PA2G4: variants seen among roughly 807,000 people sequenced by gnomAD.
PA2G4 encodes the protein proliferation-associated 2G4, also known as proliferation-associated protein 2G4.
Under a neutral mutation model 53.3 loss-of-function variants are expected in PA2G4, and 8 were observed. The ratio of observed to expected loss-of-function variants is 0.15; its 90% confidence interval spans 0.09 to 0.27. The LOEUF is 0.27. PA2G4 is among the 10% of genes least tolerant of loss of function. The pLI is 1.00. For synonymous variants in PA2G4, 143 were observed against 169.8 expected, an observed-to-expected ratio of 0.84 and a Z score of 1.23; for missense variants, 208 against 486.8, an observed-to-expected ratio of 0.43 and a Z score of 5.39.
chr12:56,109,383 G>T, intron 6 of PA2G4, 90 bp downstream of exon 6: 1 of 889,472 alleles, frequency 1.1e-6, no homozygotes, highest in Non-Finnish European at 1.9e-6. Flanking sequence ...ACTTTGGGAG[G>T]CTGAGGTGGG....
chr12:56,113,652 CCT>C lies in PA2G4; in HGVS notation c.*765_*766del, dbSNP rs1276778032. The stretch of plus-strand genomic sequence containing the variant: ...GCTGGAAGCTCAACTGGTTTTGTTC[CCT>C]GTTTGAAATATTGTGATCTCCCTCC... On this transcript the variant is annotated 3_prime_UTR_variant, in exon 13 of 13. Coordinates refer to ENST00000303305, the MANE Select transcript of PA2G4 (RefSeq NM_006191.3). 6.8e-6 allele frequency: 4 copies of C among 590,006 alleles called. No homozygotes were observed. The highest frequency in any genetic ancestry group is 2.8e-5 in the East Asian group (1 of 35,804). The allele number at this position is 590,006 out of a possible 1,614,324, so 36.5% of individuals were successfully genotyped here.
intron 1 of PA2G4, chr12:56,105,146 T>G: frequency 5.2e-6 from 3 of 575,120 alleles, no homozygotes; most frequent in Non-Finnish European, 6.6e-6. Context: ...CGATTATTGC[T>G]TCCTCTGATT....
Position 56,113,648 on chromosome 12 carries a change from G to A in PA2G4, c.*760G>A. 1.7e-6 allele frequency: 1 copy of A among 590,356 alleles called. No individual in the cohort carries two copies. Among genetic ancestry groups the A allele is most frequent in the South Asian group, 2.1e-5 (1 of 47,248 alleles). 36.6% of individuals were successfully genotyped at this position (590,356 alleles called of 1,614,324 possible). A position where few individuals can be genotyped will look rare whatever the true frequency, so the allele number is the denominator to read the frequency against. On this transcript the variant is annotated 3_prime_UTR_variant, in exon 13 of 13. Transcript: ENST00000303305. Reference sequence around the variant, plus strand: ...CTGAGCTGGAAGCTCAACTGGTTTTGTTCCCTGTTTGAAATATTGTGATCT... The same window carrying A: ...CTGAGCTGGAAGCTCAACTGGTTTTATTCCCTGTTTGAAATATTGTGATCT...
rs956889477 is a variant in PA2G4, at chr12:56,113,623, C to T, written c.*735C>T. The T allele has an allele frequency of 1.7e-6, 1 of 577,946 alleles. No individual in the cohort carries two copies. The highest frequency in any genetic ancestry group is 3.3e-5 in the Admixed American group (1 of 30,138). The allele number at this position is 577,946 out of a possible 1,614,324, so 35.8% of individuals were successfully genotyped here. On this transcript the variant is annotated 3_prime_UTR_variant, in exon 13 of 13. Coordinates refer to ENST00000303305, the MANE Select transcript of PA2G4 (RefSeq NM_006191.3). Reference sequence around the variant, plus strand: ...TTTCCTCGCTCCATCTTACACAGACCTGAGCTGGAAGCTCAACTGGTTTTG... The same window carrying T: ...TTTCCTCGCTCCATCTTACACAGACTTGAGCTGGAAGCTCAACTGGTTTTG...
chr12:56,107,442 G>A (rs982478043), intron 4 of PA2G4, 79 bp from the exon 5 acceptor site: 3 of 1,114,644 alleles, frequency 2.7e-6, no homozygotes, highest in Non-Finnish European at 4.1e-6. Flanking sequence ...TCGCATATGG[G>A]CTCACAGATA....
At chr12:56,105,603 C>T (rs1869283918) in intron 1 of PA2G4, among the ~76,000 whole-genome samples, 2 of 152,184 alleles carry the variant, frequency 1.3e-5, no homozygotes, top group Admixed American at 1.3e-4. Flanking sequence ...TTGGGGTCTC[C>T]GTCTTATCCC....
At chr12:56,106,045 T>A (rs1364298484) in intron 1 of PA2G4, 1 of 152,178 alleles carries the variant, frequency 6.6e-6, no homozygotes, top group Non-Finnish European at 1.5e-5. Flanking sequence ...TCTCTTACAG[T>A]TTATAACTTT....
Position 56,104,565 on chromosome 12 carries a change from C to A in PA2G4, c.-173C>A, listed in dbSNP as rs1413949759. 1 of 746,264 alleles carries A rather than the reference C, an allele frequency of 1.3e-6. No homozygotes were observed. Among genetic ancestry groups the A allele is most frequent in the East Asian group, 2.6e-5 (1 of 38,444 alleles). The allele number at this position is 746,264 out of a possible 1,614,324, so 46.2% of individuals were successfully genotyped here. On this transcript the variant is annotated 5_prime_UTR_variant, in exon 1 of 13. Transcript: ENST00000303305. Reference sequence around the variant, plus strand: ...CCAGCGTGCCCTGCGCCTCAGCCCGCGCGCTCGCAGCTTCTCGCTCTCGCC... The same window carrying A: ...CCAGCGTGCCCTGCGCCTCAGCCCGAGCGCTCGCAGCTTCTCGCTCTCGCC...
At chr12:56,108,518 T>G (rs1476413941) in intron 5 of PA2G4, among the ~76,000 whole-genome samples, 1 of 152,188 alleles carries the variant, frequency 6.6e-6, no homozygotes, top group Non-Finnish European at 1.5e-5. Flanking sequence ...CATATAGTAT[T>G]TAGTAAATTA....
At chr12:56,112,698 G>A (rs185940737) in intron 12 of PA2G4, 125 bp from the exon 13 acceptor site, 1 of 674,106 alleles carries the variant, frequency 1.5e-6, no homozygotes, top group Non-Finnish European at 2.5e-6. Context: ...TGGTACCACT[G>A]CACTCCAGCC....
At chr12:56,109,970 A>C in intron 7 of PA2G4, 35 bp downstream of exon 7, 1 of 1,438,662 alleles carries the variant, frequency 7.0e-7, no homozygotes, top group Non-Finnish European at 9.8e-7. Flanking sequence ...CTTCTACCAC[A>C]CAAGACTAGT....
chr12:56,109,348 G>C, intron 6 of PA2G4, 55 bp downstream of exon 6: 3 of 1,318,146 alleles, frequency 2.3e-6, no homozygotes, highest in Non-Finnish European at 2.2e-6. Context: ...TGCCAGGTGC[G>C]GTGGCTCACG....
chr12:56,104,960 T>G, intron 1 of PA2G4, 135 bp downstream of exon 1: 5 of 850,338 alleles, frequency 5.9e-6, no homozygotes, highest in Non-Finnish European at 1.0e-5. Flanking sequence ...GGGCACGGCG[T>G]GGTGGGAAGA....
intron 12 of PA2G4, 115 bp downstream of exon 12, chr12:56,111,644 G>A: frequency 3.4e-6 from 3 of 887,988 alleles, no homozygotes; most frequent in South Asian, 3.0e-5. Context: ...CAACTTATAT[G>A]ATAGAACTTT....
chr12:56,111,080 A>C, intron 10 of PA2G4, 22 bp downstream of exon 10: 15 of 1,612,456 alleles, frequency 9.3e-6, no homozygotes, highest in Non-Finnish European at 1.3e-5. Context: ...AAAGAGCTTC[A>C]CTTTGGATTC....
At position 56,107,703 on chromosome 12, in the gene PA2G4, C is replaced by T. The variant is rs1869330304; in HGVS notation, c.486+90C>T. 4 of 782,226 alleles carry T rather than the reference C, an allele frequency of 5.1e-6. No individual in the cohort carries two copies. In the Admixed American group the frequency reaches 6.6e-5, roughly 13 times the overall value. The allele number at this position is 782,226 out of a possible 1,614,324, so 48.5% of individuals were successfully genotyped here. A position where few individuals can be genotyped will look rare whatever the true frequency, so the allele number is the denominator to read the frequency against. On this transcript the variant is annotated intron_variant, in intron 5 of 12. Coordinates refer to ENST00000303305, the MANE Select transcript of PA2G4 (RefSeq NM_006191.3). ...CTCTATATGAAACTACCAACCTCCC[C>T]TACAGACCCCTTATAAAACAGCTTT... is the stretch of plus-strand genomic sequence containing the variant.
chr12:56,105,386 C>G (rs534631697), intron 1 of PA2G4, among the ~76,000 whole-genome samples: 1 of 152,318 alleles, frequency 6.6e-6, no homozygotes, highest in East Asian at 1.9e-4. Context: ...TTCTTTACTT[C>G]AGCTCTTACC....
intron 1 of PA2G4, chr12:56,105,234 C>T: frequency 4.8e-6 from 2 of 413,132 alleles, no homozygotes; most frequent in Non-Finnish European, 4.8e-6. Context: ...TTTGTAGCGT[C>T]TCCGGGGCGT....
Position 56,106,986 on chromosome 12 carries a change from A to G in PA2G4, c.218-4A>G. On this transcript the variant is annotated splice_region_variant and splice_polypyrimidine_tract_variant and intron_variant, in intron 2 of 12. Transcript: ENST00000303305. ...GCAGTAGGCTGATGATTCTTTCTTT[A>G]CAGGTATTGCTTTTCCCACCAGCAT... is the stretch of plus-strand genomic sequence containing the variant. 1 of 1,605,992 alleles carries G rather than the reference A, an allele frequency of 6.2e-7. No homozygotes were observed.
Sources: gnomAD v4.1 joint callset for allele counts (sites outside exome capture counted in the v4.1 genomes callset) on GRCh38, gnomAD v4.1.1 for gene constraint, MANE v1.5 for transcripts, NCBI Gene and HGNC (gene_info 2026-07-23, HGNC 2026-07-21) for gene names.